Variants in SLC9B1 observed in about 807,000 individuals in gnomAD.
SLC9B1 encodes sodium/hydrogen exchanger 9B1.
SLC9B1 carries 32 observed loss-of-function variants against 51.7 expected under a neutral mutation model. The observed-to-expected ratio is 0.62, with a 90% CI of 0.47 to 0.83. The LOEUF is 0.83. Ranked by LOEUF, SLC9B1 falls within the 40% of genes least tolerant of loss-of-function variation. The pLI, the probability that SLC9B1 is intolerant of heterozygous loss-of-function variation, is 0.00. For missense variants in SLC9B1, 406 were observed against 613.2 expected (o/e 0.66, Z 3.57); for synonymous variants, 145 against 212.7 (o/e 0.68, Z 2.77).
At position 103,005,722 on chromosome 4, in the gene SLC9B1, C is replaced by T. The variant is rs568188221; in HGVS notation, c.-2+13877G>A. Among the ~76,000 whole-genome samples the T allele has an allele frequency of 2.0e-5, 3 of 152,136 alleles. No individual in the cohort carries two copies. The East Asian group carries it at 5.8e-4, about 29-fold the overall frequency. On this transcript the variant is annotated intron_variant, in intron 1 of 11. Coordinates refer to ENST00000296422, the MANE Select transcript of SLC9B1 (RefSeq NM_139173.4). ...TGATCAGCCATAAAACAATTCTCAG[C>T]AAATTTAAAAAAACTGAACCACACT... is the stretch of plus-strand genomic sequence containing the variant.
At position 102,905,275 on chromosome 4, in the gene SLC9B1, C is replaced by T. The variant is rs1169538932; in HGVS notation, c.1332+239G>A. On this transcript the variant is annotated intron_variant, in intron 11 of 11. Coordinates refer to ENST00000296422, the MANE Select transcript of SLC9B1 (RefSeq NM_139173.4). ...TCACTCTGTCGCCCAGACTGGAATA[C>T]AGTGGTGCCATCTCAGCTTACTGCA... 2.6e-5 allele frequency among the ~76,000 whole-genome samples: 4 copies of T among 151,734 alleles called. No individual in the cohort carries two copies. In the East Asian group the frequency reaches 7.7e-4, roughly 29 times the overall value.
intron 1 of SLC9B1, among the ~76,000 whole-genome samples, chr4:103,012,768 T>G (rs1741146551): frequency 6.6e-6 from 1 of 152,200 alleles, no homozygotes; most frequent in Admixed American, 6.5e-5. Context: ...AGGTCTCTGC[T>G]TCCAAAAGGG....
At chr4:102,885,484 G>A (rs988637134) in intron 11 of SLC9B1, 40 of 1,371,814 alleles carry the variant, frequency 2.9e-5, no homozygotes, top group Non-Finnish European at 3.6e-5. Context: ...GGATTGTTTC[G>A]CCTCTTAAAT....
At position 102,902,335 on chromosome 4, in the gene SLC9B1, T is replaced by C. The variant is rs540496408; in HGVS notation, c.1333-1003A>G. ...ACATTATGGCAAAAGAACCCCTCAA[T>C]TTAAGATCAATTTCTATATCCTAAA... On this transcript the variant is annotated intron_variant, in intron 11 of 11. Transcript: ENST00000296422. Among the ~76,000 whole-genome samples the C allele has an allele frequency of 1.1e-4, 17 of 152,302 alleles. No individual in the cohort carries two copies. In the South Asian group the frequency reaches 3.5e-3, roughly 32 times the overall value.
At chr4:102,947,559 C>G (rs1413801495) in intron 4 of SLC9B1, among the ~76,000 whole-genome samples, 1 of 152,280 alleles carries the variant, frequency 6.6e-6, no homozygotes, top group East Asian at 1.9e-4. Flanking sequence ...TGCTATATTG[C>G]CCAGGCTGGT....
chr4:102,932,780 A>G (rs1736523737), intron 6 of SLC9B1, among the ~76,000 whole-genome samples: 1 of 152,238 alleles, frequency 6.6e-6, no homozygotes, highest in African/African-American at 2.4e-5. Flanking sequence ...GGAGCAGGAG[A>G]GACCTCTGGG....
intron 3 of SLC9B1, among the ~76,000 whole-genome samples, chr4:102,971,470 C>T (rs1189003873): frequency 6.6e-6 from 1 of 152,092 alleles, no homozygotes; most frequent in African/African-American, 2.4e-5. Context: ...ATCAGAATCT[C>T]TGGGACATAT....
At chr4:102,954,032 G>T (rs1200460553) in intron 3 of SLC9B1, among the ~76,000 whole-genome samples, 3 of 44,952 alleles carry the variant, frequency 6.7e-5, no homozygotes, top group Admixed American at 3.0e-4. Context: ...GTGAGAGAGG[G>T]CATCCCTGTC....
chr4:102,995,438 G>A (rs1318258593), intron 1 of SLC9B1, among the ~76,000 whole-genome samples: 1 of 152,096 alleles, frequency 6.6e-6, no homozygotes, highest in Non-Finnish European at 1.5e-5. Flanking sequence ...TACAAATGGA[G>A]ACATCAAGCG....
chr4:102,955,903 G>GAAAGAAAGAAAGAA (rs1560950270), intron 3 of SLC9B1, among the ~76,000 whole-genome samples: 7 of 81,924 alleles, frequency 8.5e-5, no homozygotes, highest in South Asian at 3.4e-4. Flanking sequence ...GAAAGAAAGA[G>GAAAGAAAGAAAGAA]AGAGAAAGAC....
intron 11 of SLC9B1, among the ~76,000 whole-genome samples, chr4:102,902,106 C>G (rs1370474559): frequency 6.6e-6 from 1 of 152,160 alleles, no homozygotes; most frequent in Admixed American, 6.6e-5. Context: ...TACTGGGTCA[C>G]AAGTTTTTTT....
At chr4:102,934,039 G>A (rs1222995572) in intron 6 of SLC9B1, among the ~76,000 whole-genome samples, 1 of 152,150 alleles carries the variant, frequency 6.6e-6, no homozygotes, top group African/African-American at 2.4e-5. Context: ...CCAAAGTGCT[G>A]GGATTATAGG....
At chr4:102,916,545 G>A (rs1735586392) in intron 7 of SLC9B1, among the ~76,000 whole-genome samples, 1 of 152,112 alleles carries the variant, frequency 6.6e-6, no homozygotes, top group African/African-American at 2.4e-5. Flanking sequence ...AAGATCAACT[G>A]GAAAACAGAG....
At chr4:102,939,811 A>G (rs1276761107) in intron 6 of SLC9B1, among the ~76,000 whole-genome samples, 1 of 152,014 alleles carries the variant, frequency 6.6e-6, no homozygotes, top group Admixed American at 6.6e-5. Context: ...ACATCCCTTC[A>G]TGATATAGAC....
At chr4:102,977,502 T>G (rs901581096) in intron 3 of SLC9B1, among the ~76,000 whole-genome samples, 39 of 152,198 alleles carry the variant, frequency 2.6e-4, no homozygotes, top group African/African-American at 8.9e-4. Context: ...CAGAACCTTA[T>G]AGGTATTCAA....
At chr4:102,964,257 A>G (rs1355327936) in intron 3 of SLC9B1, among the ~76,000 whole-genome samples, 1 of 141,170 alleles carries the variant, frequency 7.1e-6, no homozygotes, top group Admixed American at 7.1e-5. Flanking sequence ...AGGAAAAAGG[A>G]AAAAAAAAAC....
chr4:102,927,950 T>C (rs1736268428), intron 7 of SLC9B1, among the ~76,000 whole-genome samples: 1 of 152,002 alleles, frequency 6.6e-6, no homozygotes, highest in East Asian at 1.9e-4. Flanking sequence ...CTGGAAACCA[T>C]CACTCTCAGC....
Position 102,949,422 on chromosome 4 carries a change from T to C in SLC9B1, c.217A>G (p.Ile73Val), listed in dbSNP as rs777642883. The change falls in exon 4 of 12, where the codon ATA (isoleucine) becomes GTA (valine). Residue 73 changes from isoleucine to valine, a missense_variant. Transcript: ENST00000296422. ...GTCATACACCATATCACAAACAGTATAACTCCTGAAATACAAAAAAGTGTA... is the reference window on the plus strand; with the variant it reads ...GTCATACACCATATCACAAACAGTACAACTCCTGAAATACAAAAAAGTGTA... ...VLNVIITNGV[I>V]LFVIWCMTWS... 6.3e-7 allele frequency: 1 copy of C among 1,578,748 alleles called. No individual in the cohort carries two copies. The highest frequency in any genetic ancestry group is 2.3e-5 in the East Asian group (1 of 44,188).
At chr4:102,954,781 G>A (rs1160862125) in intron 3 of SLC9B1, among the ~76,000 whole-genome samples, 1 of 152,080 alleles carries the variant, frequency 6.6e-6, no homozygotes, top group Non-Finnish European at 1.5e-5. Context: ...AAAGAAATTG[G>A]TAAAATGTAG....
Sources: allele counts gnomAD v4.1 joint callset (sites outside exome capture counted in the v4.1 genomes callset), GRCh38; gene constraint gnomAD v4.1.1; transcripts MANE v1.5; gene names NCBI Gene and HGNC (gene_info 2026-07-23, HGNC 2026-07-21).